Variants in IFT172 observed in about 807,000 individuals in gnomAD.
IFT172 encodes the protein intraflagellar transport protein 172 homolog.
IFT172 carries 164 observed loss-of-function variants against 248.9 expected under a neutral mutation model. The ratio of observed to expected loss-of-function variants is 0.66; its 90% CI spans 0.58 to 0.75. IFT172 has a LOEUF of 0.75. Ranked by LOEUF, IFT172 falls within the 30% of genes least tolerant of loss-of-function variation. The probability of loss-of-function intolerance (pLI) is 0.00; values close to 1 mark genes in which losing one functional copy is unlikely to be tolerated. For missense variants in IFT172, 1,950 were observed against 2,192.4 expected, an observed-to-expected ratio of 0.89 and a Z score of 2.21; for synonymous variants, 729 against 791.6, an observed-to-expected ratio of 0.92 and a Z score of 1.33.
rs1483735124 is a variant in IFT172, at chr2:27,445,984, A to G, written c.4760T>C (p.Val1587Ala). The G allele has an allele frequency of 1.2e-6, 2 of 1,614,236 alleles. No homozygotes were observed. Among genetic ancestry groups the G allele is most frequent in the South Asian group, 1.1e-5 (1 of 91,078 alleles). ...GATGAATGCCATGTTATCCCAGCCA[A>G]CTGCCTGCAGCAAAGAAGAGTTGCA... is the stretch of plus-strand genomic sequence containing the variant. ...FYEAGIAAKA[V>A]GWDNMAFIFL... is the part of the protein sequence containing the mutation. The change falls in exon 44 of 48, where the codon GTT (valine) becomes GCT (alanine). Residue 1587 changes from valine (V) to alanine (A), a missense_variant. By Grantham distance (64) the Val-to-Ala change is moderately conservative. Coordinates refer to ENST00000260570, the MANE Select transcript of IFT172 (RefSeq NM_015662.3). This position sits in a 1 kb window ranked among gnomAD's most constrained non-coding sequence, Gnocchi z 4.4.
Position 27,481,124 on chromosome 2 carries a change from C to G in IFT172, c.707G>C (p.Arg236Pro), listed in dbSNP as rs768290728. 2 of 1,613,880 alleles carry G rather than the reference C, an allele frequency of 1.2e-6. No homozygotes were observed. Among genetic ancestry groups the G allele is most frequent in the Non-Finnish European group, 1.7e-6 (2 of 1,180,014 alleles). ...GHMLQTFDYS[R>P]DPQEREFTTA... Reference sequence around the variant, plus strand: ...GGTGAACTCCCGCTCCTGAGGGTCACGGCTATAATCAAAAGTTTGTAGCAT... The same window carrying G: ...GGTGAACTCCCGCTCCTGAGGGTCAGGGCTATAATCAAAAGTTTGTAGCAT... The change falls in exon 8 of 48, where the codon CGT becomes CCT. Residue 236 changes from arginine to proline, a missense_variant. By Grantham distance (103) the Arg-to-Pro change is moderately radical. Around this residue, in one of 3 missense-constraint regions of IFT172, gnomAD observed 1,166 missense variants for 1,254.1 expected, o/e 0.93. Coordinates refer to ENST00000260570, the MANE Select transcript of IFT172 (RefSeq NM_015662.3).
chr2:27,472,089 G>T, intron 15 of IFT172, 161 bp downstream of exon 15: 2 of 622,910 alleles, frequency 3.2e-6, no homozygotes, highest in Non-Finnish European at 5.8e-6. Flanking sequence ...ATCAGTTTTG[G>T]TATCAGCTAC....
At position 27,472,161 on chromosome 2, in the gene IFT172, C is replaced by G. The variant is rs1464029560; in HGVS notation, c.1524+89G>C. The G allele has an allele frequency of 3.4e-6, 3 of 873,348 alleles. No homozygotes were observed. In the South Asian group the frequency reaches 4.0e-5, roughly 12 times the overall value. 54.1% of individuals were successfully genotyped at this position (873,348 alleles called of 1,614,324 possible). A position where few individuals can be genotyped will look rare whatever the true frequency, so the allele number is the denominator to read the frequency against. ...GATGACACAGCAAAGACAATGTGCT[C>G]CATCCTGCCTCCCTCAGTCCCTGGT... On this transcript the variant is annotated intron_variant, in intron 15 of 47. Transcript: ENST00000260570.
At position 27,449,751 on chromosome 2, in the gene IFT172, G is replaced by C. The variant is rs1179409010; in HGVS notation, c.4100C>G (p.Ala1367Gly). Residue 1367 changes from alanine (A) to glycine (G), a missense_variant, in exon 37 of 48, where the codon GCT becomes GGT. Physicochemically the swap from Ala to Gly is moderately conservative, Grantham distance 60. This residue lies in a region of IFT172 where 620 missense variants were observed against 699.0 expected (regional missense o/e 0.89). Coordinates refer to ENST00000260570, the MANE Select transcript of IFT172 (RefSeq NM_015662.3). The stretch of plus-strand genomic sequence containing the variant: ...GTTCCACTCCTCACCCTCGATGAAA[G>C]CATCGATTGCTTCCTTGACAAGGTC... The part of the protein sequence containing the change: ...NLDLVKEAID[A>G]FIEGEEWNKA... 4 of 1,613,896 alleles carry C rather than the reference G, an allele frequency of 2.5e-6. No individual in the cohort carries two copies. The highest frequency in any genetic ancestry group is 3.4e-6 in the Non-Finnish European group (4 of 1,179,906).
Position 27,457,683 on chromosome 2 carries a change from C to T in IFT172, c.3184G>A (p.Val1062Met). 1 of 1,614,236 alleles carries T rather than the reference C, an allele frequency of 6.2e-7. No individual in the cohort carries two copies. The highest frequency in any genetic ancestry group is 1.1e-5 in the South Asian group (1 of 91,088). The change falls in exon 29 of 48, where the codon GTG (valine) becomes ATG (methionine). Residue 1062 changes from valine (V) to methionine (M), a missense_variant. By Grantham distance (21) the Val-to-Met change is conservative (BLOSUM62 1). Around this residue, in one of 3 missense-constraint regions of IFT172, gnomAD observed 164 missense variants for 239.3 expected, o/e 0.69. Coordinates refer to ENST00000260570, the MANE Select transcript of IFT172 (RefSeq NM_015662.3). The part of the protein sequence containing the change: ...YLEAQEWKAT[V>M]NMYRASGLWE... ...AGCCCACTGGCCCGGTACATGTTCA[C>T]TGTTGCCTTCCATTCCTGGGCCTCG...
chr2:27,453,884 C>T, intron 33 of IFT172, 98 bp downstream of exon 33: 2 of 1,433,108 alleles, frequency 1.4e-6, no homozygotes, highest in South Asian at 2.5e-5. Flanking sequence ...CCAATACTAA[C>T]CTCCCTGATC....
At position 27,445,414 on chromosome 2, in the gene IFT172, A is replaced by G. The variant is rs1238278691; in HGVS notation, c.4950T>C (p.Leu1650=). Residue 1650 remains leucine, a synonymous_variant, in exon 46 of 48, where the codon CTT becomes CTC. Coordinates refer to ENST00000260570, the MANE Select transcript of IFT172 (RefSeq NM_015662.3). This position sits in a 1 kb window ranked among gnomAD's most constrained non-coding sequence, Gnocchi z 4.4. ...AEREEVRDWV[L]TVSMDQRLEQ... Reference sequence around the variant, plus strand: ...CCAGCCGCTGGTCCATGGAGACTGTAAGCACCCAGTCTCGAACCTCTTCTC... The same window carrying G: ...CCAGCCGCTGGTCCATGGAGACTGTGAGCACCCAGTCTCGAACCTCTTCTC... 8 of 1,612,324 alleles carry G rather than the reference A, an allele frequency of 5.0e-6. No homozygotes were observed. Among genetic ancestry groups the G allele is most frequent in the African/African-American group, 2.7e-5 (2 of 74,840 alleles).
rs1664994447 is a variant in IFT172 at position 27,445,525 on chromosome 2, G to T, written c.4915-76C>A. The stretch of plus-strand genomic sequence containing the variant: ...AAGTTGGGGTGGATGGGTGAGGAGG[G>T]GGTTTGCTAAGCCCTCATCCTGTAT... On this transcript the variant is annotated intron_variant, in intron 45 of 47. Transcript: ENST00000260570. This position sits in a 1 kb window ranked among gnomAD's most constrained non-coding sequence, Gnocchi z 4.4. 2 of 1,501,810 alleles carry T rather than the reference G, an allele frequency of 1.3e-6. No individual in the cohort carries two copies. The highest frequency in any genetic ancestry group is 1.8e-6 in the Non-Finnish European group (2 of 1,108,984). The allele number at this position is 1,501,810 out of a possible 1,614,324, so 93.0% of individuals were successfully genotyped here.
chr2:27,463,548 TA>T (rs1431747273), intron 18 of IFT172, among the ~76,000 whole-genome samples: 4 of 132,340 alleles, frequency 3.0e-5, no homozygotes, highest in Admixed American at 7.8e-5. Context: ...TTTTTTTTTT[TA>T]AGCTCATCAG....
At chr2:27,469,269 T>C (rs1204460338) in intron 16 of IFT172, among the ~76,000 whole-genome samples, 1 of 152,120 alleles carries the variant, frequency 6.6e-6, no homozygotes, top group Non-Finnish European at 1.5e-5. Flanking sequence ...GGCACATGCC[T>C]GTAATCCCAG....
At position 27,461,071 on chromosome 2, in the gene IFT172, A is replaced by C; in HGVS notation, c.2465T>G (p.Ile822Ser). 1 of 1,614,080 alleles carries C rather than the reference A, an allele frequency of 6.2e-7. No homozygotes were observed. ...CTCCAGGGCCTTCTGTGGATTGTGA[A>C]TCTTCTCAAAGAGATCACCTGCCTG... The part of the protein sequence containing the change: ...YERAGDLFEK[I>S]HNPQKALECY... The change falls in exon 23 of 48, where the codon ATT becomes AGT. Residue 822 changes from isoleucine to serine, a missense_variant. By Grantham distance (142) the Ile-to-Ser change is moderately radical. Transcript: ENST00000260570.
At chr2:27,478,246 A>G in intron 10 of IFT172, 90 bp from the exon 11 acceptor site, 1 of 1,466,908 alleles carries the variant, frequency 6.8e-7, no homozygotes, top group Non-Finnish European at 9.4e-7. Context: ...CCACAGCACT[A>G]AACAAAGCTA....
rs1198342678 is a variant in IFT172 at position 27,457,751 on chromosome 2, A to G, written c.3116T>C (p.Leu1039Pro). 6.2e-7 allele frequency: 1 copy of G among 1,613,932 alleles called. No homozygotes were observed. The highest frequency in any genetic ancestry group is 8.5e-7 in the Non-Finnish European group (1 of 1,180,004). The change falls in exon 29 of 48, where the codon CTG becomes CCG. Residue 1039 changes from leucine to proline, a missense_variant. Coordinates refer to ENST00000260570, the MANE Select transcript of IFT172 (RefSeq NM_015662.3). The stretch of plus-strand genomic sequence containing the variant: ...CTCCTGTAGTCGGCCTTCAGCCTCC[A>G]GCTCCTGCAGGAAGGTGAGTCAGGA... ...SDTHLHLGKELEAEGRLQEAE... is the reference protein window; with the variant it reads ...SDTHLHLGKEPEAEGRLQEAE...
At position 27,485,054 on chromosome 2, in the gene IFT172, T is replaced by C; in HGVS notation, c.260A>G (p.Asp87Gly). ...DSTKIAIGQT[D>G]NIIYVYKIGE... ...AATCTTGTAGACATAGATGATGTTG[T>C]CAGTCTGTCCTATGGCAATTTTAGT... Residue 87 changes from aspartate to glycine, a missense_variant, in exon 3 of 48, where the codon GAC becomes GGC. Asp to Gly is a moderately conservative substitution (Grantham distance 94). Transcript: ENST00000260570. 6.2e-7 allele frequency: 1 copy of C among 1,605,730 alleles called. No individual in the cohort carries two copies. Among genetic ancestry groups the C allele is most frequent in the Non-Finnish European group, 8.5e-7 (1 of 1,172,576 alleles).
At position 27,459,801 on chromosome 2, in the gene IFT172, T is replaced by C; in HGVS notation, c.2550A>G (p.Pro850=). Residue 850 remains proline, a synonymous_variant, in exon 24 of 48, where the codon CCA becomes CCG. Transcript: ENST00000260570. The part of the protein sequence containing the change: ...KAVELARLAF[P]VEVVKLEEAW... ...CCTCCTCTAGTTTCACCACCTCCAC[T>C]GGGAAGGCCAATCGAGCCAGCTCTA... is the stretch of plus-strand genomic sequence containing the variant. 1 of 1,612,434 alleles carries C rather than the reference T, an allele frequency of 6.2e-7. No homozygotes were observed. The highest frequency in any genetic ancestry group is 1.1e-5 in the South Asian group (1 of 91,084).
chr2:27,447,499 A>AC lies in IFT172; in HGVS notation c.4659+15dup. 2 of 1,611,812 alleles carry AC rather than the reference A, an allele frequency of 1.2e-6. No individual in the cohort carries two copies. The highest frequency in any genetic ancestry group is 2.7e-5 in the African/African-American group (2 of 74,860). ...GCCCTTCTGACTGAGTGTTCCTTCGACCCCCTACATCTCACCAGCTGTTTG... is the reference window on the plus strand; with the variant it reads ...GCCCTTCTGACTGAGTGTTCCTTCGACCCCCCTACATCTCACCAGCTGTTTG... On this transcript the variant is annotated intron_variant, in intron 42 of 47. Transcript: ENST00000260570.
Position 27,459,821 on chromosome 2 carries a change from G to T in IFT172, c.2530C>A (p.Leu844Met). 1 of 1,611,404 alleles carries T rather than the reference G, an allele frequency of 6.2e-7. No homozygotes were observed. The change falls in exon 24 of 48, where the codon CTG (leucine) becomes ATG (methionine). Residue 844 changes from leucine to methionine, a missense_variant. This residue lies in a region of IFT172 where 1,166 missense variants were observed against 1,254.1 expected (regional missense o/e 0.93). Coordinates refer to ENST00000260570, the MANE Select transcript of IFT172 (RefSeq NM_015662.3). ...TCCACTGGGAAGGCCAATCGAGCCA[G>T]CTCTACCGCTGCCAGGGAGAGAAAA... The part of the protein sequence containing the change: ...KGNAFMKAVE[L>M]ARLAFPVEVV...
At position 27,448,996 on chromosome 2, in the gene IFT172, A is replaced by T; in HGVS notation, c.4347T>A (p.Tyr1449Ter). The change falls in exon 40 of 48, where the codon TAT (tyrosine) becomes TAA (stop). Residue 1449 changes from tyrosine to a stop codon, truncating the protein, a stop_gained. Transcript: ENST00000260570. LOFTEE classifies it high-confidence loss of function. ...YKILHKYVAL[Y>*]ATHLIREGSS... The stretch of plus-strand genomic sequence containing the variant: ...TACCCTCCCGGATCAAGTGAGTTGC[A>T]TACAAAGCCACATACTTGTGCAGAA... The T allele has an allele frequency of 6.2e-7, 1 of 1,610,420 alleles. No individual in the cohort carries two copies. The highest frequency in any genetic ancestry group is 8.5e-7 in the Non-Finnish European group (1 of 1,176,656).
intron 30 of IFT172, chr2:27,455,088 A>G (rs6749203): frequency 0.021 from 5,744 of 278,488 alleles, 317 homozygotes; most frequent in African/African-American, 0.12. Flanking sequence ...ATCGGACTCC[A>G]TGATTGGCAC....
Sources: allele counts gnomAD v4.1 joint callset (sites outside exome capture counted in the v4.1 genomes callset), GRCh38; gene constraint gnomAD v4.1.1; regional missense constraint gnomAD v4.1.1; non-coding constraint Gnocchi (gnomAD v3.1); transcripts MANE v1.5; gene names NCBI Gene and HGNC (gene_info 2026-07-23, HGNC 2026-07-21).